The following PRKCE variants were observed in gnomAD, a reference collection of about 807,000 sequenced individuals.
The protein encoded by PRKCE is protein kinase C epsilon type.
Under a neutral mutation model 85.4 loss-of-function variants are expected in PRKCE, and 16 were observed. The observed-to-expected ratio is 0.19, with a 90% confidence interval of 0.13 to 0.28. The LOEUF is 0.28. Ranked by LOEUF, PRKCE falls within the 10% of genes least tolerant of loss-of-function variation. The probability of loss-of-function intolerance (pLI) is 1.00; values close to 1 mark genes in which losing one functional copy is unlikely to be tolerated. For synonymous variants in PRKCE, 388 were observed against 371.5 expected (o/e 1.04, Z -0.51); for missense variants, 573 against 975.2 (o/e 0.59, Z 5.49).
chr2:45,937,912 G>A (rs1180835215), intron 2 of PRKCE, among the ~76,000 whole-genome samples: 1 of 152,186 alleles, frequency 6.6e-6, no homozygotes, highest in East Asian at 1.9e-4. Flanking sequence ...AGCAATGACT[G>A]TGGGGATCTG....
intron 1 of PRKCE, among the ~76,000 whole-genome samples, chr2:45,698,726 T>C (rs1678362629): frequency 1.3e-5 from 2 of 152,214 alleles, no homozygotes; most frequent in African/African-American, 4.8e-5. Context: ...CCATGTATCC[T>C]AGGAAGCCAT....
At chr2:45,935,677 C>G (rs987555536) in intron 2 of PRKCE, among the ~76,000 whole-genome samples, 13 of 151,412 alleles carry the variant, frequency 8.6e-5, no homozygotes, top group African/African-American at 3.2e-4. Flanking sequence ...CCCAGCTATT[C>G]AGGATGCTGA....
intron 6 of PRKCE, 46 bp downstream of exon 6, chr2:45,984,726 C>A: frequency 6.4e-7 from 1 of 1,572,064 alleles, no homozygotes; most frequent in South Asian, 1.1e-5. Context: ...TGTCCCCTTC[C>A]TTGCTGCCTG....
chr2:46,103,157 T>C (rs1671397393), intron 11 of PRKCE, among the ~76,000 whole-genome samples: 1 of 152,262 alleles, frequency 6.6e-6, no homozygotes, highest in Non-Finnish European at 1.5e-5. Context: ...TATAATTCAA[T>C]ACTACTTTAT....
rs1275732529 is a variant in PRKCE, at chr2:46,159,069, G to A, written c.1921-537G>A. ...ATTCAAACATAAAAACAGTGGAGAG[G>A]GGCTGGGTCCAGGAACAGGAAAGGA... On this transcript the variant is annotated intron_variant, in intron 13 of 14. Transcript: ENST00000306156. The surrounding 1 kb of genome is among the most constrained non-coding windows in gnomAD (Gnocchi z 4.1). Among the ~76,000 whole-genome samples, 2 of 152,212 alleles carry A rather than the reference G, an allele frequency of 1.3e-5. No homozygotes were observed. Among genetic ancestry groups the A allele is most frequent in the Non-Finnish European group, 2.9e-5 (2 of 68,044 alleles).
chr2:45,753,936 T>A (rs1256763969), intron 1 of PRKCE, among the ~76,000 whole-genome samples: 1 of 152,238 alleles, frequency 6.6e-6, no homozygotes, highest in Non-Finnish European at 1.5e-5. Context: ...CAATTATTCC[T>A]AAGTATCCTC....
chr2:46,081,168 T>C (rs1346592395), intron 10 of PRKCE, among the ~76,000 whole-genome samples: 1 of 151,970 alleles, frequency 6.6e-6, no homozygotes, highest in African/African-American at 2.4e-5. Context: ...ACTTTTTAAT[T>C]TTTTTGTATA....
chr2:46,044,565 G>A (rs1016497101), intron 10 of PRKCE, among the ~76,000 whole-genome samples: 12 of 152,130 alleles, frequency 7.9e-5, no homozygotes, highest in Non-Finnish European at 1.3e-4. Context: ...CTCTTGAGTT[G>A]AGAGAGTTGC....
intron 11 of PRKCE, among the ~76,000 whole-genome samples, chr2:46,089,069 T>G (rs1418390644): frequency 6.6e-6 from 1 of 152,226 alleles, no homozygotes; most frequent in African/African-American, 2.4e-5. Flanking sequence ...TTTTGCCCTG[T>G]TGGCTTCTAT....
chr2:46,156,206 C>T (rs539914988), intron 13 of PRKCE, among the ~76,000 whole-genome samples: 62 of 152,256 alleles, frequency 4.1e-4, no homozygotes, highest in African/African-American at 1.5e-3. Flanking sequence ...CAGCCCTTCC[C>T]CGTCATCTGC....
chr2:46,126,096 G>A (rs1217796762), intron 11 of PRKCE, among the ~76,000 whole-genome samples: 1 of 152,188 alleles, frequency 6.6e-6, no homozygotes, highest in Non-Finnish European at 1.5e-5. Context: ...CACAGGTAAT[G>A]CTGTTTCCAG....
chr2:45,825,905 C>A (rs1385046061), intron 1 of PRKCE, among the ~76,000 whole-genome samples: 5 of 151,810 alleles, frequency 3.3e-5, no homozygotes, highest in African/African-American at 9.7e-5. Context: ...AAAACATACC[C>A]CACAGTGTAT....
At chr2:45,763,389 A>C (rs539545945) in intron 1 of PRKCE, among the ~76,000 whole-genome samples, 1 of 152,284 alleles carries the variant, frequency 6.6e-6, no homozygotes, top group East Asian at 1.9e-4. Context: ...TGGATGATTA[A>C]GCCTAAGCTT....
At chr2:45,792,011 T>C (rs1245588762) in intron 1 of PRKCE, among the ~76,000 whole-genome samples, 1 of 152,248 alleles carries the variant, frequency 6.6e-6, no homozygotes, top group Non-Finnish European at 1.5e-5. Context: ...CATTTAGTGT[T>C]ACTCTAACAG....
chr2:46,004,811 C>A lies in PRKCE; in HGVS notation c.1063+173C>A, dbSNP rs539970399. ...TTAACAGTTCTTTCATTCTCCAAGA[C>A]CTTCTTGAGGGCTGGGCACTCCATG... is the stretch of plus-strand genomic sequence containing the variant. On this transcript the variant is annotated intron_variant, in intron 8 of 14. Transcript: ENST00000306156. This position sits in a 1 kb window ranked among gnomAD's most constrained non-coding sequence, Gnocchi z 4.1. Among the ~76,000 whole-genome samples, 4 of 152,284 alleles carry A rather than the reference C, an allele frequency of 2.6e-5. No individual in the cohort carries two copies. The highest frequency in any genetic ancestry group is 3.9e-4 in the East Asian group (2 of 5,182).
intron 2 of PRKCE, among the ~76,000 whole-genome samples, chr2:45,962,584 C>T (rs1241340155): frequency 6.6e-6 from 1 of 152,198 alleles, no homozygotes; most frequent in Non-Finnish European, 1.5e-5. Flanking sequence ...CTCTTGGTTG[C>T]AGAGCTATTA....
intron 2 of PRKCE, among the ~76,000 whole-genome samples, chr2:45,969,141 G>A (rs1407120408): frequency 2.0e-5 from 3 of 151,560 alleles, no homozygotes; most frequent in African/African-American, 7.3e-5. Flanking sequence ...GGAGGTTGGG[G>A]TTACTGTGAA....
intron 13 of PRKCE, among the ~76,000 whole-genome samples, chr2:46,157,074 A>G (rs960457687): frequency 6.6e-6 from 1 of 152,294 alleles, no homozygotes; most frequent in Non-Finnish European, 1.5e-5. Flanking sequence ...GCATATCTTC[A>G]TTGGTTCTGC....
intron 10 of PRKCE, among the ~76,000 whole-genome samples, chr2:46,027,922 C>T (rs573594043): frequency 3.8e-4 from 58 of 152,116 alleles, no homozygotes; most frequent in African/African-American, 1.2e-3. Context: ...GGACCTCCCT[C>T]TTGAAGGTTG....
Sources: allele counts gnomAD v4.1 joint callset (sites outside exome capture counted in the v4.1 genomes callset), GRCh38; gene constraint gnomAD v4.1.1; non-coding constraint Gnocchi (gnomAD v3.1); transcripts MANE v1.5; gene names NCBI Gene and HGNC (gene_info 2026-07-23, HGNC 2026-07-21).